The following CACNB2 variants were observed in gnomAD, a reference collection of about 807,000 sequenced individuals.
The protein encoded by CACNB2 is calcium voltage-gated channel auxiliary subunit beta 2.
A neutral mutation model predicts 73.3 loss-of-function variants in CACNB2; 42 were observed. That is an observed-to-expected ratio of 0.57 (90% confidence interval 0.45 to 0.74). CACNB2 has a LOEUF of 0.74. CACNB2 is among the 30% of genes least tolerant of loss of function. The pLI, the probability that CACNB2 is intolerant of heterozygous loss-of-function variation, is 0.00. For synonymous variants in CACNB2, 348 were observed against 310.3 expected, an observed-to-expected ratio of 1.12 and a Z score of -1.28; for missense variants, 940 against 853.0, an observed-to-expected ratio of 1.10 and a Z score of -1.27.
At chr10:18,470,427 GTATATTATATGTGGTA>G (rs1473774013) in intron 3 of CACNB2, among the ~76,000 whole-genome samples, 1 of 149,760 alleles carries the variant, frequency 6.7e-6, no homozygotes, top group African/African-American at 2.5e-5. Context: ...AACATATGGT[GTATATTATATGTGGTA>G]TATATTATAT....
chr10:18,330,868 C>G (rs1383022372), intron 2 of CACNB2, among the ~76,000 whole-genome samples: 3 of 151,646 alleles, frequency 2.0e-5, no homozygotes, highest in Non-Finnish European at 4.4e-5. Context: ...GGGGTTTCAT[C>G]ATGTTGCCCA....
chr10:18,378,617 GGTGTGCGTCT>G (rs1367431634), intron 2 of CACNB2, among the ~76,000 whole-genome samples: 1 of 152,122 alleles, frequency 6.6e-6, no homozygotes, highest in African/African-American at 2.4e-5. Flanking sequence ...CAGGAGTGGT[GGTGTGCGTCT>G]GTGATCCCAG....
At chr10:18,296,077 C>T (rs989322345) in intron 2 of CACNB2, among the ~76,000 whole-genome samples, 1 of 130,760 alleles carries the variant, frequency 7.6e-6, no homozygotes, top group African/African-American at 2.9e-5. Flanking sequence ...AACTGAATGG[C>T]TTTAAGTTAT....
intron 6 of CACNB2, among the ~76,000 whole-genome samples, chr10:18,510,380 G>A (rs1375228177): frequency 2.0e-5 from 3 of 152,094 alleles, no homozygotes; most frequent in East Asian, 3.9e-4. Flanking sequence ...TCAGCTCACT[G>A]AAGCCTCCAT....
At chr10:18,211,025 T>C (rs2035296219) in intron 2 of CACNB2, among the ~76,000 whole-genome samples, 1 of 152,188 alleles carries the variant, frequency 6.6e-6, no homozygotes, top group African/African-American at 2.4e-5. Flanking sequence ...GCTGTGAAGA[T>C]TAAATGAGAG....
intron 2 of CACNB2, among the ~76,000 whole-genome samples, chr10:18,248,493 C>G (rs1240575570): frequency 6.6e-6 from 1 of 152,154 alleles, no homozygotes; most frequent in Non-Finnish European, 1.5e-5. Flanking sequence ...TCTGTTGTAT[C>G]TGTCATTCTT....
chr10:18,234,147 A>C (rs543645467), intron 2 of CACNB2: 38 of 152,542 alleles, frequency 2.5e-4, no homozygotes, highest in Admixed American at 2.4e-3. Flanking sequence ...TAGGGGAGAC[A>C]CAGGCTCTTC....
In CACNB2 at chr10:18,388,310, AATATT is replaced by A. The variant is rs2043320566; in HGVS notation, c.214-13609_214-13605del. Among the ~76,000 whole-genome samples the A allele has an allele frequency of 4.6e-5, 7 of 152,342 alleles. No homozygotes were observed. In the South Asian group the frequency reaches 1.4e-3, roughly 32 times the overall value. ...AATATAGTCTAGATTTTCTAATATT[AATATT>A]ATATATCTGTGGCACATTTCCAGCT... is the stretch of plus-strand genomic sequence containing the variant. On this transcript the variant is annotated intron_variant, in intron 2 of 13. Coordinates refer to ENST00000324631, the MANE Select transcript of CACNB2 (RefSeq NM_201596.3).
At chr10:18,412,865 A>C (rs2044712810) in intron 3 of CACNB2, among the ~76,000 whole-genome samples, 1 of 152,234 alleles carries the variant, frequency 6.6e-6, no homozygotes, top group Non-Finnish European at 1.5e-5. Flanking sequence ...TTCTGGAGTC[A>C]CTGCAGAGGC....
chr10:18,198,900 G>A (rs1477066938), intron 2 of CACNB2, among the ~76,000 whole-genome samples: 2 of 152,154 alleles, frequency 1.3e-5, no homozygotes. Flanking sequence ...TATTCCGAAT[G>A]TTAAAATTCA....
chr10:18,269,565 G>T (rs1291411367), intron 2 of CACNB2, among the ~76,000 whole-genome samples: 1 of 152,180 alleles, frequency 6.6e-6, no homozygotes, highest in Non-Finnish European at 1.5e-5. Flanking sequence ...AATGGCTAGA[G>T]AAATTGAAGT....
At chr10:18,333,745 G>A (rs1349004074) in intron 2 of CACNB2, among the ~76,000 whole-genome samples, 1 of 152,108 alleles carries the variant, frequency 6.6e-6, no homozygotes, top group Non-Finnish European at 1.5e-5. Context: ...CACTGTTGAG[G>A]CATAAACTCT....
intron 9 of CACNB2, among the ~76,000 whole-genome samples, chr10:18,521,202 A>C (rs1301489982): frequency 6.6e-6 from 1 of 152,260 alleles, no homozygotes; most frequent in Admixed American, 6.5e-5. Context: ...TAAAAGGGCA[A>C]CTTGGTTATA....
intron 3 of CACNB2, among the ~76,000 whole-genome samples, chr10:18,482,463 G>A (rs1266238363): frequency 2.6e-5 from 4 of 152,124 alleles, no homozygotes; most frequent in African/African-American, 7.2e-5. Context: ...CTCCTGGCTA[G>A]ACTGAAGATG....
chr10:18,411,406 TTAA>T (rs1226444901), intron 3 of CACNB2, among the ~76,000 whole-genome samples: 1 of 152,124 alleles, frequency 6.6e-6, no homozygotes. Flanking sequence ...GATGATAATA[TTAA>T]TAATGACAAC....
intron 2 of CACNB2, among the ~76,000 whole-genome samples, chr10:18,208,682 G>A (rs891750201): frequency 6.6e-6 from 1 of 151,732 alleles, no homozygotes; most frequent in African/African-American, 2.4e-5. Flanking sequence ...CTTATTGCTT[G>A]TTCACCTTAT....
intron 2 of CACNB2, among the ~76,000 whole-genome samples, chr10:18,163,325 G>C (rs1022827026): frequency 2.1e-5 from 3 of 141,794 alleles, no homozygotes; most frequent in Non-Finnish European, 4.6e-5. Flanking sequence ...TAAATATGTA[G>C]TATTTATTAT....
At position 18,542,700 on chromosome 10, in the gene CACNB2, T is replaced by C. The variant is rs961613438; in HGVS notation, c.*2976T>C. 2.0e-5 allele frequency: 3 copies of C among 152,266 alleles called. No individual in the cohort carries two copies. The highest frequency in any genetic ancestry group is 4.4e-5 in the Non-Finnish European group (3 of 68,012). The allele number at this position is 152,266 out of a possible 1,614,324, so 9.4% of individuals were successfully genotyped here. A position where few individuals can be genotyped will look rare whatever the true frequency, so the allele number is the denominator to read the frequency against. On this transcript the variant is annotated 3_prime_UTR_variant, in exon 14 of 14. Transcript: ENST00000324631. Reference sequence around the variant, plus strand: ...TGTGAAAAACTGTATAGTGGACATATGTGTAAACTGTGTAGTAAATCTGTA... The same window carrying C: ...TGTGAAAAACTGTATAGTGGACATACGTGTAAACTGTGTAGTAAATCTGTA...
intron 3 of CACNB2, among the ~76,000 whole-genome samples, chr10:18,407,655 C>G (rs983601651): frequency 6.6e-6 from 1 of 152,118 alleles, no homozygotes; most frequent in Non-Finnish European, 1.5e-5. Context: ...TTTACTGGCT[C>G]TCTGGTTTGT....
Sources: allele counts gnomAD v4.1 joint callset (sites outside exome capture counted in the v4.1 genomes callset), GRCh38; gene constraint gnomAD v4.1.1; transcripts MANE v1.5; gene names NCBI Gene and HGNC (gene_info 2026-07-23, HGNC 2026-07-21).